Variants in ENTREP2 observed in about 807,000 individuals in gnomAD.
The protein encoded by ENTREP2 is endosomal transmembrane epsin interactor 2.
chr15:29,612,516 A>C, the ENTREP2 span: 1 of 152,300 alleles, frequency 6.6e-6, no homozygotes, highest in African/African-American at 2.4e-5. Context: ...AAAAAAAGAC[A>C]TATGTTCTTG....
chr15:29,573,659 C>G, the ENTREP2 span, among the ~76,000 whole-genome samples: 1 of 146,910 alleles, frequency 6.8e-6, no homozygotes, highest in South Asian at 2.1e-4. Context: ...CTCTCTCTCC[C>G]TCTCTCTCTC....
chr15:29,510,916 C>T, the ENTREP2 span, among the ~76,000 whole-genome samples: 6 of 151,950 alleles, frequency 3.9e-5, no homozygotes, highest in African/African-American at 9.7e-5. Flanking sequence ...TGGAAACCAT[C>T]GTTATCAACA....
the ENTREP2 span, among the ~76,000 whole-genome samples, chr15:29,503,706 A>G: frequency 6.6e-6 from 1 of 152,254 alleles, no homozygotes; most frequent in Admixed American, 6.5e-5. Context: ...AAATAAAATT[A>G]TAAAATTATC....
the ENTREP2 span, among the ~76,000 whole-genome samples, chr15:29,521,055 T>C: frequency 6.6e-6 from 1 of 152,180 alleles, no homozygotes; most frequent in Admixed American, 6.5e-5. Context: ...TATTTGGTAA[T>C]GTCTGGAGGC....
the ENTREP2 span, among the ~76,000 whole-genome samples, chr15:29,246,715 A>T: frequency 5.9e-4 from 89 of 152,116 alleles, no homozygotes; most frequent in African/African-American, 1.8e-3. Flanking sequence ...AAAAAAAAAA[A>T]TTATTTGCAT....
the ENTREP2 span, chr15:29,151,701 C>A: frequency 6.6e-7 from 1 of 1,505,436 alleles, no homozygotes; most frequent in African/African-American, 1.4e-5. Context: ...TGGTTTCAAA[C>A]CGCGCAGAGG....
chr15:29,296,317 T>A, the ENTREP2 span, among the ~76,000 whole-genome samples: 1 of 152,182 alleles, frequency 6.6e-6, no homozygotes, highest in Non-Finnish European at 1.5e-5. Flanking sequence ...GGGTGATTTG[T>A]AGGATTTCCT....
chr15:29,579,417 G>T, the ENTREP2 span, among the ~76,000 whole-genome samples: 2 of 152,082 alleles, frequency 1.3e-5, no homozygotes, highest in African/African-American at 4.8e-5. Flanking sequence ...TATATGTTCA[G>T]TGGTAACCTG....
the ENTREP2 span, among the ~76,000 whole-genome samples, chr15:29,633,962 A>G: frequency 6.6e-6 from 1 of 152,068 alleles, no homozygotes. Context: ...AAAAAAAAGA[A>G]AAAGAAAAAA....
the ENTREP2 span, among the ~76,000 whole-genome samples, chr15:29,618,636 A>C: frequency 6.6e-6 from 1 of 152,186 alleles, no homozygotes; most frequent in Non-Finnish European, 1.5e-5. Flanking sequence ...AGGTAAGATA[A>C]GCATATGTTC....
chr15:29,607,764 G>A, the ENTREP2 span, among the ~76,000 whole-genome samples: 1 of 151,064 alleles, frequency 6.6e-6, no homozygotes, highest in East Asian at 1.9e-4. Flanking sequence ...AACAAGTCAG[G>A]GTTCCCTAGG....
the ENTREP2 span, among the ~76,000 whole-genome samples, chr15:29,652,069 G>C: frequency 6.6e-6 from 1 of 152,156 alleles, no homozygotes; most frequent in African/African-American, 2.4e-5. Flanking sequence ...TCCCCACCCT[G>C]AGGCCCATAA....
chr15:29,354,958 T>C, the ENTREP2 span, among the ~76,000 whole-genome samples: 1 of 152,186 alleles, frequency 6.6e-6, no homozygotes, highest in Non-Finnish European at 1.5e-5. Flanking sequence ...TTGATGAGGC[T>C]TCCCTGTTTT....
At chr15:29,450,099 G>GT in the ENTREP2 span, among the ~76,000 whole-genome samples, 1 of 152,090 alleles carries the variant, frequency 6.6e-6, no homozygotes, top group East Asian at 1.9e-4. Flanking sequence ...GAGTTTCTTA[G>GT]TTTTTTGCTT....
the ENTREP2 span, among the ~76,000 whole-genome samples, chr15:29,431,383 C>T: frequency 1.3e-5 from 2 of 152,096 alleles, no homozygotes; most frequent in African/African-American, 4.8e-5. Flanking sequence ...CCAGCTGTGT[C>T]ATTTTGAATC....
chr15:29,456,900 T>C, the ENTREP2 span, among the ~76,000 whole-genome samples: 1 of 152,144 alleles, frequency 6.6e-6, no homozygotes, highest in African/African-American at 2.4e-5. Flanking sequence ...ACAGGTACAC[T>C]ATGCAGTGAG....
the ENTREP2 span, among the ~76,000 whole-genome samples, chr15:29,590,989 C>G: frequency 6.6e-6 from 1 of 152,176 alleles, no homozygotes; most frequent in African/African-American, 2.4e-5. Flanking sequence ...ATTCATCTTA[C>G]ACATTAATTA....
the ENTREP2 span, chr15:29,610,902 A>G: frequency 1.5e-5 from 2 of 135,824 alleles, no homozygotes; most frequent in African/African-American, 5.2e-5. Context: ...CTTCACCTCT[A>G]TATTTCTTCT....
the ENTREP2 span, among the ~76,000 whole-genome samples, chr15:29,533,223 G>C: frequency 6.6e-6 from 1 of 152,148 alleles, no homozygotes; most frequent in African/African-American, 2.4e-5. Flanking sequence ...CTTGCAGTGC[G>C]CTATGTCTAT....
Sources: gnomAD v4.1 joint callset for allele counts (sites outside exome capture counted in the v4.1 genomes callset) on GRCh38, gnomAD v4.1.1 for gene constraint, MANE v1.5 for transcripts, NCBI Gene and HGNC (gene_info 2026-07-23, HGNC 2026-07-21) for gene names.